Variants in PGPEP1 observed in about 807,000 individuals in gnomAD.
PGPEP1 encodes pyroglutamyl-peptidase I.
A neutral mutation model predicts 24.1 loss-of-function variants in PGPEP1; 15 were observed. The observed-to-expected ratio is 0.62, with a 90% confidence interval of 0.42 to 0.96. The LOEUF (loss-of-function observed/expected upper bound fraction) is 0.96, where lower values mean the gene tolerates loss of function less well. PGPEP1 is among the 40% of genes least tolerant of loss of function. The pLI is 0.00. For missense variants in PGPEP1, 242 were observed against 273.4 expected (o/e 0.89, Z 0.81); for synonymous variants, 122 against 116.4 (o/e 1.05, Z -0.31).
At chr19:18,344,096 T>C (rs1226314034) in intron 2 of PGPEP1, among the ~76,000 whole-genome samples, 2 of 152,102 alleles carry the variant, frequency 1.3e-5, no homozygotes, top group African/African-American at 2.4e-5. Context: ...GGCAGGTAAT[T>C]CATGGTTCAG....
chr19:18,359,627 C>T (rs958769067), intron 4 of PGPEP1, among the ~76,000 whole-genome samples: 3 of 152,098 alleles, frequency 2.0e-5, no homozygotes, highest in Non-Finnish European at 4.4e-5. Flanking sequence ...CCTGCCTCAG[C>T]CTCCCAAGTA....
At position 18,365,002 on chromosome 19, in the gene PGPEP1, T is replaced by C. The variant is rs1445446738; in HGVS notation, c.*1419T>C. On this transcript the variant is annotated 3_prime_UTR_variant, in exon 5 of 5. Transcript: ENST00000269919. ...TGGCAGAGCTCTGCATGTCCCGGCATGTCTGAGCAGGAGGAATTCCGGGCG... is the reference window on the plus strand; with the variant it reads ...TGGCAGAGCTCTGCATGTCCCGGCACGTCTGAGCAGGAGGAATTCCGGGCG... The C allele has an allele frequency of 1.3e-5, 2 of 152,020 alleles. No individual in the cohort carries two copies. Among genetic ancestry groups the C allele is most frequent in the Non-Finnish European group, 2.9e-5 (2 of 68,022 alleles). 9.4% of individuals were successfully genotyped at this position (152,020 alleles called of 1,614,324 possible).
At chr19:18,349,751 C>T (rs1034969661) in intron 2 of PGPEP1, among the ~76,000 whole-genome samples, 5 of 152,162 alleles carry the variant, frequency 3.3e-5, no homozygotes, top group East Asian at 1.9e-4. Flanking sequence ...CGGGTCATGC[C>T]GGGAAATCCC....
At position 18,364,083 on chromosome 19, in the gene PGPEP1, G is replaced by GCTTGCTTGCTTT. The variant is rs1555713520; in HGVS notation, c.*503_*504insGCTTGCTTTCTT. ...ACCCTGGGATATGGCTGGCTGGCTG[G>GCTTGCTTGCTTT]CTTTCTTTCTTTCTTTCTTTCTTTC... On this transcript the variant is annotated 3_prime_UTR_variant, in exon 5 of 5. Transcript: ENST00000269919. 1 of 86,644 alleles carries GCTTGCTTGCTTT rather than the reference G, an allele frequency of 1.2e-5. No homozygotes were observed. Among genetic ancestry groups the GCTTGCTTGCTTT allele is most frequent in the African/African-American group, 3.7e-5 (1 of 26,692 alleles). The allele number at this position is 86,644 out of a possible 1,614,324, so 5.4% of individuals were successfully genotyped here. A position where few individuals can be genotyped will look rare whatever the true frequency, so the allele number is the denominator to read the frequency against.
At chr19:18,359,399 A>T (rs753429257) in intron 4 of PGPEP1, among the ~76,000 whole-genome samples, 14 of 151,904 alleles carry the variant, frequency 9.2e-5, no homozygotes, top group Non-Finnish European at 1.0e-4. Context: ...CACATGAACC[A>T]GCTTCCTCCT....
intron 1 of PGPEP1, among the ~76,000 whole-genome samples, chr19:18,341,903 T>C (rs1970679258): frequency 6.7e-6 from 1 of 149,616 alleles, no homozygotes; most frequent in African/African-American, 2.6e-5. Context: ...CTGGCCCAGA[T>C]GGACCGTATT....
intron 4 of PGPEP1, among the ~76,000 whole-genome samples, chr19:18,361,215 G>T (rs1269190946): frequency 6.7e-6 from 1 of 150,098 alleles, no homozygotes; most frequent in South Asian, 2.1e-4. Flanking sequence ...TCAGCTCACC[G>T]CAACCTCTGC....
rs767658545 is a variant in PGPEP1, at chr19:18,363,582, G to A, written c.629G>A (p.Ter210=). The A allele has an allele frequency of 4.3e-6, 7 of 1,611,850 alleles. No individual in the cohort carries two copies. Among genetic ancestry groups the A allele is most frequent in the Non-Finnish European group, 5.9e-6 (7 of 1,178,760 alleles). The stretch of plus-strand genomic sequence containing the variant: ...AAAATCAACTATTGCCACAAACACT[G>A]AGGGACGCTCAGGTCTCCTAAGACC... ...EGKINYCHKH[*] Residue 210 remains the stop codon, a stop_retained_variant, in exon 5 of 5, where the codon TGA becomes TAA. Transcript: ENST00000269919.
At position 18,344,695 on chromosome 19, in the gene PGPEP1, C is replaced by A. The variant is rs144436604; in HGVS notation, c.87+1784C>A. The stretch of plus-strand genomic sequence containing the variant: ...CCGAGGCCCTGCCTGCTCACCCGCT[C>A]CCCGGAGAGCCAGACAAAAAGAAAC... On this transcript the variant is annotated intron_variant, in intron 2 of 4. Transcript: ENST00000269919. Among the ~76,000 whole-genome samples, 215 of 152,152 alleles carry A rather than the reference C, an allele frequency of 1.4e-3. 1 individual carries two copies. The highest frequency in any genetic ancestry group is 2.4e-3 in the Non-Finnish European group (163 of 68,002).
rs1449872714 is a variant in PGPEP1, at chr19:18,342,904, C to A, written c.80C>A (p.Ala27Glu). Residue 27 changes from alanine (A) to glutamate (E), a missense_variant, in exon 2 of 5, where the codon GCA (alanine) becomes GAA (glutamate). Physicochemically the swap from Ala to Glu is moderately radical, Grantham distance 107. Coordinates refer to ENST00000269919, the MANE Select transcript of PGPEP1 (RefSeq NM_017712.4). ...CACACCGTGAACGCCAGTTGGATTGCAGTTCAGGTAACTTAGATCCGGAGG... is the reference window on the plus strand; with the variant it reads ...CACACCGTGAACGCCAGTTGGATTGAAGTTCAGGTAACTTAGATCCGGAGG... ...GEHTVNASWI[A>E]VQELEKLGLG... 2 of 1,612,592 alleles carry A rather than the reference C, an allele frequency of 1.2e-6. No homozygotes were observed. Among genetic ancestry groups the A allele is most frequent in the East Asian group, 4.5e-5 (2 of 44,874 alleles).
chr19:18,355,064 G>T (rs1166669964), intron 2 of PGPEP1, among the ~76,000 whole-genome samples: 1 of 149,912 alleles, frequency 6.7e-6, no homozygotes, highest in Non-Finnish European at 1.5e-5. Flanking sequence ...TGCCTTCCAG[G>T]TTCATGCCAT....
Position 18,357,306 on chromosome 19 carries a change from C to A in PGPEP1, c.205-77C>A, listed in dbSNP as rs78602502. 5.6e-3 allele frequency: 5,972 copies of A among 1,063,886 alleles called. 238 individuals carry two copies. The African/African-American group carries it at 0.083, about 15-fold the overall frequency. 65.9% of individuals were successfully genotyped at this position (1,063,886 alleles called of 1,614,324 possible). On this transcript the variant is annotated intron_variant, in intron 3 of 4. Transcript: ENST00000269919. ...AGGCAGAGCTCATTAAGGATGCTGC[C>A]TTTTCCCTGGCCTCAGGGGGACCCC...
chr19:18,345,843 A>T (rs1281400546), intron 2 of PGPEP1, among the ~76,000 whole-genome samples: 1 of 151,946 alleles, frequency 6.6e-6, no homozygotes, highest in Non-Finnish European at 1.5e-5. Context: ...AGTCAAGACC[A>T]GCCTGACCAA....
chr19:18,347,844 G>A (rs889234904), intron 2 of PGPEP1, among the ~76,000 whole-genome samples: 11 of 151,964 alleles, frequency 7.2e-5, no homozygotes, highest in Non-Finnish European at 1.5e-4. Flanking sequence ...ATATTGGTCA[G>A]GCTGGTCTCG....
At chr19:18,353,608 C>T (rs1187935832) in intron 2 of PGPEP1, among the ~76,000 whole-genome samples, 2 of 152,210 alleles carry the variant, frequency 1.3e-5, no homozygotes, top group Middle Eastern at 3.4e-3. Flanking sequence ...TTCCATCACC[C>T]GAAAAGGAGA....
intron 2 of PGPEP1, among the ~76,000 whole-genome samples, chr19:18,351,728 A>C (rs1225497096): frequency 3.3e-5 from 5 of 151,910 alleles, no homozygotes; most frequent in African/African-American, 4.8e-5. Context: ...GGATCGCTTG[A>C]GTCTAGGAGT....
rs1476758275 is a variant in PGPEP1 at position 18,365,444 on chromosome 19, G to A, written c.*1861G>A. 1.3e-5 allele frequency: 2 copies of A among 152,318 alleles called. No homozygotes were observed. Among genetic ancestry groups the A allele is most frequent in the African/African-American group, 2.4e-5 (1 of 41,426 alleles). 9.4% of individuals were successfully genotyped at this position (152,318 alleles called of 1,614,324 possible). ...TGCAGCCTCTACCTCCTGGGCTCAA[G>A]TGATCCTCCCATCTCAGCCTCCTGA... On this transcript the variant is annotated 3_prime_UTR_variant, in exon 5 of 5. Transcript: ENST00000269919.
chr19:18,362,332 G>A (rs973879322), intron 4 of PGPEP1, among the ~76,000 whole-genome samples: 5 of 150,330 alleles, frequency 3.3e-5, no homozygotes, highest in Non-Finnish European at 5.9e-5. Flanking sequence ...GCTTGAACCC[G>A]GGAGGCGAAG....
chr19:18,352,785 A>C (rs1441028686), intron 2 of PGPEP1, among the ~76,000 whole-genome samples: 3 of 152,070 alleles, frequency 2.0e-5, no homozygotes, highest in African/African-American at 7.2e-5. Context: ...CGAACTCCTG[A>C]CCTCAGGTGA....
Sources: allele counts gnomAD v4.1 joint callset (sites outside exome capture counted in the v4.1 genomes callset), GRCh38; gene constraint gnomAD v4.1.1; transcripts MANE v1.5; gene names NCBI Gene and HGNC (gene_info 2026-07-23, HGNC 2026-07-21).